ANKRD30A: variants seen among roughly 807,000 people sequenced by gnomAD.
The protein encoded by ANKRD30A is ankyrin repeat domain-containing protein 30A.
A neutral mutation model predicts 166.3 loss-of-function variants in ANKRD30A; 170 were observed. That is an observed-to-expected ratio of 1.02 (90% CI 0.90 to 1.16). ANKRD30A has a LOEUF of 1.16. Among genes scored for constraint, ANKRD30A ranks in the 50% most tolerant of loss-of-function variants. The pLI, the probability that ANKRD30A is intolerant of heterozygous loss-of-function variation, is 0.00. For missense variants in ANKRD30A, 1,630 were observed against 1,518.0 expected (o/e 1.07, Z -1.23); for synonymous variants, 564 against 508.9 (o/e 1.11, Z -1.46).
rs1837758017 is a variant in ANKRD30A, at chr10:37,149,585, T to G, written c.1544-66T>G. On this transcript the variant is annotated intron_variant, in intron 9 of 35. Transcript: ENST00000361713. The stretch of plus-strand genomic sequence containing the variant: ...AGAGGAATCAGTTACATACTATGAC[T>G]GCATTCATTTGGTTGGCATTGTCAT... 21 of 1,530,330 alleles carry G rather than the reference T, an allele frequency of 1.4e-5. No individual in the cohort carries two copies. In the Admixed American group the frequency reaches 3.6e-4, roughly 26 times the overall value. The allele number at this position is 1,530,330 out of a possible 1,614,324, so 94.8% of individuals were successfully genotyped here. A position where few individuals can be genotyped will look rare whatever the true frequency, so the allele number is the denominator to read the frequency against.
At chr10:37,167,570 A>G (rs1613808) in intron 19 of ANKRD30A, among the ~76,000 whole-genome samples, 15 of 151,682 alleles carry the variant, frequency 9.9e-5, no homozygotes, top group East Asian at 1.9e-4. Flanking sequence ...ATATTTAAAA[A>G]TCTGATGCAA....
Position 37,125,969 on chromosome 10 carries a change from A to AG in ANKRD30A, c.183dup (p.Lys62GlufsTer6). The AG allele has an allele frequency of 6.2e-7, 1 of 1,611,894 alleles. No homozygotes were observed. The highest frequency in any genetic ancestry group is 1.1e-5 in the South Asian group (1 of 90,996). On this transcript the variant is annotated frameshift_variant, in exon 1 of 36. Coordinates refer to ENST00000361713, the MANE Select transcript of ANKRD30A (RefSeq NM_052997.3). LOFTEE classifies it high-confidence loss of function. ...AAGCTGGAGAAGATGACAAAGAGGA[A>AG]GAAGACCATCAACCTTAATATACAA...
chr10:37,154,350 A>C (rs1007400545), intron 13 of ANKRD30A, among the ~76,000 whole-genome samples: 2 of 152,200 alleles, frequency 1.3e-5, no homozygotes, highest in Non-Finnish European at 2.9e-5. Flanking sequence ...CCGACTTGGG[A>C]TTCTGCATTT....
the ANKRD30A span, among the ~76,000 whole-genome samples, chr10:37,253,465 G>A: frequency 3.3e-5 from 5 of 152,044 alleles, no homozygotes; most frequent in Admixed American, 2.6e-4. Context: ...ACCTCTGAAA[G>A]AAACCCTATA....
rs1366915229 is a variant in ANKRD30A at position 37,158,444 on chromosome 10, T to A, written c.1827+24T>A. 3 of 1,612,586 alleles carry A rather than the reference T, an allele frequency of 1.9e-6. No homozygotes were observed. In the African/African-American group the frequency reaches 4.0e-5, roughly 22 times the overall value. On this transcript the variant is annotated intron_variant, in intron 14 of 35. Transcript: ENST00000361713. ...AGGTAATAACTTTTATATTTTTGTC[T>A]TGAGTATCAACTACATATTTTATGA...
rs1207760901 is a variant in ANKRD30A, at chr10:37,217,899, A to T, written c.3267+21A>T. The stretch of plus-strand genomic sequence containing the variant: ...ATCAGGTAAATCAATCTCTGATAAA[A>T]ATTTTATATTTCTAACTTTATTTCA... On this transcript the variant is annotated intron_variant, in intron 33 of 35. Coordinates refer to ENST00000361713, the MANE Select transcript of ANKRD30A (RefSeq NM_052997.3). 2.7e-6 allele frequency: 4 copies of T among 1,469,200 alleles called. No homozygotes were observed. In the African/African-American group the frequency reaches 5.9e-5, roughly 22 times the overall value. The allele number at this position is 1,469,200 out of a possible 1,614,324, so 91.0% of individuals were successfully genotyped here.
In ANKRD30A at chr10:37,193,145, A is replaced by G. The variant is rs577876493; in HGVS notation, c.2542-41A>G. ...GTATTAACTACATATTTTATGAAGT[A>G]TACATTGTATATTAATTGTTTTGTT... On this transcript the variant is annotated intron_variant, in intron 26 of 35. Transcript: ENST00000361713. The G allele has an allele frequency of 3.9e-5, 62 of 1,606,386 alleles. 1 individual carries two copies. In the East Asian group the frequency reaches 1.1e-3, roughly 30 times the overall value.
chr10:37,132,269 A>G lies in ANKRD30A; in HGVS notation c.540A>G (p.Ile180Met), dbSNP rs1334913883. Residue 180 changes from isoleucine to methionine, a missense_variant, in exon 4 of 36, where the codon ATA becomes ATG. Ile to Met is a conservative substitution (Grantham distance 10). Coordinates refer to ENST00000361713, the MANE Select transcript of ANKRD30A (RefSeq NM_052997.3). ...KASLTPLLLS[I>M]TKRSEQIVEF... ...GCCTCACACCACTTTTACTATCCAT[A>G]ACGAAAAGAAGTGAGCAAATTGTGG... The G allele has an allele frequency of 6.2e-7, 1 of 1,603,002 alleles. No homozygotes were observed. Among genetic ancestry groups the G allele is most frequent in the Non-Finnish European group, 8.5e-7 (1 of 1,175,748 alleles).
chr10:37,148,328 A>G (rs1837662626), intron 9 of ANKRD30A, among the ~76,000 whole-genome samples: 1 of 152,116 alleles, frequency 6.6e-6, no homozygotes, highest in Admixed American at 6.6e-5. Flanking sequence ...TTTTAGCCAG[A>G]GAAGAAGAAT....
the ANKRD30A span, chr10:37,248,017 A>T: frequency 8.5e-6 from 3 of 351,350 alleles, no homozygotes; most frequent in Non-Finnish European, 1.7e-5. Flanking sequence ...CCCTCAACTT[A>T]AAGTAAAACT....
chr10:37,156,025 G>A (rs1271901389), intron 13 of ANKRD30A, among the ~76,000 whole-genome samples: 1 of 151,042 alleles, frequency 6.6e-6, no homozygotes, highest in Non-Finnish European at 1.5e-5. Context: ...AGCTTGTAGC[G>A]AGCCAAGATC....
intron 32 of ANKRD30A, among the ~76,000 whole-genome samples, chr10:37,216,811 G>A (rs1018018132): frequency 2.6e-5 from 4 of 151,014 alleles, no homozygotes; most frequent in Non-Finnish European, 5.9e-5. Context: ...GAAGTTATTT[G>A]TTCATTACTT....
At chr10:37,233,849 C>A (rs957335380), downstream of ANKRD30A, among the ~76,000 whole-genome samples, 2 of 152,042 alleles carry the variant, frequency 1.3e-5, no homozygotes, top group Non-Finnish European at 2.9e-5. Context: ...TTGGAGGGAG[C>A]ATTACAAACA....
chr10:37,167,575 A>T (rs1767338), intron 19 of ANKRD30A, among the ~76,000 whole-genome samples: 13 of 151,656 alleles, frequency 8.6e-5, no homozygotes, highest in Non-Finnish European at 1.2e-4. Flanking sequence ...TAAAAATCTG[A>T]TGCAACTAAA....
chr10:37,204,757 AAATC>A (rs1368452540), intron 31 of ANKRD30A, among the ~76,000 whole-genome samples: 4 of 152,202 alleles, frequency 2.6e-5, no homozygotes, highest in African/African-American at 9.7e-5. Flanking sequence ...TTACAAGAAA[AAATC>A]AAACACCCCA....
chr10:37,162,062 C>A (rs1457321876), intron 15 of ANKRD30A, among the ~76,000 whole-genome samples: 1 of 152,068 alleles, frequency 6.6e-6, no homozygotes, highest in East Asian at 1.9e-4. Context: ...CATCTTCTTG[C>A]ATGAGTGGAT....
chr10:37,165,342 G>A (rs1839234780), intron 18 of ANKRD30A, among the ~76,000 whole-genome samples, 187 bp downstream of exon 18: 1 of 152,104 alleles, frequency 6.6e-6, no homozygotes, highest in South Asian at 2.1e-4. Context: ...TGAAATTCTG[G>A]GAATTTGTAC....
intron 13 of ANKRD30A, among the ~76,000 whole-genome samples, chr10:37,154,203 T>C (rs1838183729): frequency 6.6e-6 from 1 of 152,210 alleles, no homozygotes. Flanking sequence ...GTGTTCTATT[T>C]GCAATAGGTG....
chr10:37,198,514 A>C (rs1030525691), intron 29 of ANKRD30A, among the ~76,000 whole-genome samples: 4 of 152,200 alleles, frequency 2.6e-5, no homozygotes, highest in Middle Eastern at 3.4e-3. Context: ...TTAGAAATTA[A>C]AAGTAAAATA....
Sources: gnomAD v4.1 joint callset for allele counts (sites outside exome capture counted in the v4.1 genomes callset) on GRCh38, gnomAD v4.1.1 for gene constraint, MANE v1.5 for transcripts, NCBI Gene and HGNC (gene_info 2026-07-23, HGNC 2026-07-21) for gene names.